MLH3: variants seen among roughly 807,000 people sequenced by gnomAD.
MLH3 encodes mutL homolog 3, also known as DNA mismatch repair protein Mlh3.
In MLH3, 82 loss-of-function variants were observed where a neutral mutation model predicts 122.2. That is an observed-to-expected ratio of 0.67 (90% CI 0.56 to 0.81). The LOEUF is 0.81. MLH3 is among the 30% of genes least tolerant of loss of function. The pLI, the probability that MLH3 is intolerant of heterozygous loss-of-function variation, is 0.00. For missense variants in MLH3, 1,539 were observed against 1,714.5 expected, an observed-to-expected ratio of 0.90 and a Z score of 1.81; for synonymous variants, 524 against 599.5, an observed-to-expected ratio of 0.87 and a Z score of 1.84.
intron 8 of MLH3, among the ~76,000 whole-genome samples, chr14:75,031,127 C>T (rs565658092): frequency 1.3e-5 from 2 of 152,134 alleles, no homozygotes; most frequent in East Asian, 3.9e-4. Flanking sequence ...AGATCTGCCT[C>T]TAATATAAAT....
chr14:75,042,572 T>A, intron 2 of MLH3, 95 bp from the exon 3 acceptor site: 1 of 899,800 alleles, frequency 1.1e-6, no homozygotes, highest in South Asian at 1.4e-5. Flanking sequence ...CTGCACAAAC[T>A]GAGTCAAGAC....
chr14:75,019,728 T>A (rs1890150269), intron 11 of MLH3, among the ~76,000 whole-genome samples: 1 of 152,162 alleles, frequency 6.6e-6, no homozygotes. Flanking sequence ...TTTTTCTAAT[T>A]TCCATAATAA....
rs1178603668 is a variant in MLH3, at chr14:75,046,571, T to C, written c.3085A>G (p.Arg1029Gly). The C allele has an allele frequency of 6.2e-7, 1 of 1,614,112 alleles. No homozygotes were observed. Among genetic ancestry groups the C allele is most frequent in the Non-Finnish European group, 8.5e-7 (1 of 1,180,048 alleles). Residue 1029 changes from arginine to glycine, a missense_variant, in exon 2 of 13, where the codon AGA (arginine) becomes GGA (glycine). Transcript: ENST00000355774. ...GACTCTTCAGTTTCAGAACAAGCTC[T>C]TGCTTTAGATTCCTCACTCTGAAAA... ...ICFQSEESKA[R>G]ACSETEESNT...
chr14:75,047,372 C>A lies in MLH3; in HGVS notation c.2284G>T (p.Gly762Trp), dbSNP rs1394752072. Residue 762 changes from glycine to tryptophan, a missense_variant, in exon 2 of 13, where the codon GGG becomes TGG. Physicochemically the swap from Gly to Trp is radical, Grantham distance 184. Coordinates refer to ENST00000355774, the MANE Select transcript of MLH3 (RefSeq NM_001040108.2). Reference protein sequence around the residue: ...GSLEKFKRQYGKVENPLDTEV... With the variant: ...GSLEKFKRQYWKVENPLDTEV... ...GTATCCAGAGGATTTTCAACCTTCC[C>A]ATATTGCCTCTTAAACTTCTCTAAA... is the stretch of plus-strand genomic sequence containing the variant. 6.2e-7 allele frequency: 1 copy of A among 1,614,112 alleles called. No individual in the cohort carries two copies. Among genetic ancestry groups the A allele is most frequent in the South Asian group, 1.1e-5 (1 of 91,086 alleles).
intron 2 of MLH3, among the ~76,000 whole-genome samples, chr14:75,044,773 C>A (rs150829445): frequency 6.6e-6 from 1 of 152,174 alleles, no homozygotes; most frequent in Admixed American, 6.5e-5. Flanking sequence ...TAGAGATATT[C>A]ATCGTCAGGA....
At position 75,040,449 on chromosome 14, in the gene MLH3, C is replaced by CAAAAAA. The variant is rs36233766; in HGVS notation, c.3466-440_3466-435dup. Among the ~76,000 whole-genome samples, 59 of 35,608 alleles carry CAAAAAA rather than the reference C, an allele frequency of 1.7e-3. 1 individual carries two copies. The highest frequency in any genetic ancestry group is 2.1e-3 in the Non-Finnish European group (41 of 20,000). 23.4% of individuals were successfully genotyped at this position (35,608 alleles called of 152,430 possible). A position where few individuals can be genotyped will look rare whatever the true frequency, so the allele number is the denominator to read the frequency against. ...TGGGCGACACAGCAAGACTCTGTCA[C>CAAAAAA]AAAAAAAAAAAAAAAAAAAAAAAAA... On this transcript the variant is annotated intron_variant, in intron 4 of 12. Coordinates refer to ENST00000355774, the MANE Select transcript of MLH3 (RefSeq NM_001040108.2).
At chr14:75,041,512 C>T (rs2139489149) in intron 4 of MLH3, 103 bp downstream of exon 4, 1 of 862,254 alleles carries the variant, frequency 1.2e-6, no homozygotes, top group Non-Finnish European at 1.9e-6. Context: ...CATGCCATTG[C>T]ATTTCAGTCT....
intron 1 of MLH3, chr14:75,051,028 C>G (rs175082): frequency 1 from 152,192 of 152,432 alleles, 75,976 homozygotes; most frequent in Middle Eastern, 1. Context: ...CAGCAACTGA[C>G]GGGTAAACGT....
At chr14:75,033,398 T>C (rs754709934) in intron 7 of MLH3, 21 bp downstream of exon 7, 2 of 1,612,654 alleles carry the variant, frequency 1.2e-6, no homozygotes, top group Non-Finnish European at 1.7e-6. Context: ...AAATTTTTTC[T>C]GGCTGCAAAC....
rs374180596 is a variant in MLH3, at chr14:75,024,040, GCAAA to G, written c.3988-1026_3988-1023del. Among the ~76,000 whole-genome samples the G allele has an allele frequency of 2.0e-5, 3 of 152,316 alleles. No individual in the cohort carries two copies. In the East Asian group the frequency reaches 5.8e-4, roughly 29 times the overall value. ...TGACAAAGCTTAGTGTGGATGGAGA[GCAAA>G]CATTCTTGTGTTTGTACATCTGGGA... On this transcript the variant is annotated intron_variant, in intron 9 of 12. Transcript: ENST00000355774.
Position 75,049,219 on chromosome 14 carries a change from A to T in MLH3, c.437T>A (p.Val146Glu). The T allele has an allele frequency of 6.2e-7, 1 of 1,614,206 alleles. No homozygotes were observed. The highest frequency in any genetic ancestry group is 8.5e-7 in the Non-Finnish European group (1 of 1,180,022). ...DVTRASAGTT[V>E]TVYNLFYQLP... The stretch of plus-strand genomic sequence containing the variant: ...CTGGTAAAATAGGTTATACACTGTT[A>T]CAGTAGTCCCAGCGCTTGCTCTAGT... The change falls in exon 2 of 13, where the codon GTA becomes GAA. Residue 146 changes from valine (V) to glutamate (E), a missense_variant. Coordinates refer to ENST00000355774, the MANE Select transcript of MLH3 (RefSeq NM_001040108.2).
At chr14:75,022,390 A>C (rs2139323369) in intron 11 of MLH3, among the ~76,000 whole-genome samples, 1 of 152,290 alleles carries the variant, frequency 6.6e-6, no homozygotes, top group Middle Eastern at 3.4e-3. Flanking sequence ...TTTTGCTGTG[A>C]CCTTCTAGGT....
chr14:75,048,899 A>G lies in MLH3; in HGVS notation c.757T>C (p.Phe253Leu). Residue 253 changes from phenylalanine (F) to leucine (L), a missense_variant, in exon 2 of 13, where the codon TTT becomes CTT. Transcript: ENST00000355774. ...CTTAAAACTAGTCTTTTGTTCACAA[A>G]CAAAAACTGCATATTCTTGTTGTAA... The part of the protein sequence containing the change: ...AHYNKNMQFL[F>L]VNKRLVLRTK... 6.2e-7 allele frequency: 1 copy of G among 1,613,780 alleles called. No homozygotes were observed. Among genetic ancestry groups the G allele is most frequent in the Non-Finnish European group, 8.5e-7 (1 of 1,179,876 alleles).
At chr14:75,018,014 G>A (rs1417296473) in intron 12 of MLH3, among the ~76,000 whole-genome samples, 3 of 151,954 alleles carry the variant, frequency 2.0e-5, no homozygotes, top group South Asian at 2.1e-4. Flanking sequence ...GCGTGGTGGC[G>A]CATGCCTGTA....
chr14:75,018,942 T>C lies in MLH3; in HGVS notation c.4129A>G (p.Ser1377Gly), dbSNP rs779248596. The change falls in exon 12 of 13, where the codon AGT (serine) becomes GGT (glycine). Residue 1377 changes from serine (S) to glycine (G), a missense_variant. Coordinates refer to ENST00000355774, the MANE Select transcript of MLH3 (RefSeq NM_001040108.2). ...KFNDGLSLQE[S>G]CRLIEALSSC... ...GACAGAGCTTCAATAAGGCGGCAAC[T>C]TTCCTGTAAGCTCAGGCCATCATTA... 4 of 1,614,086 alleles carry C rather than the reference T, an allele frequency of 2.5e-6. No individual in the cohort carries two copies. In the African/African-American group the frequency reaches 5.3e-5, roughly 22 times the overall value.
intron 2 of MLH3, among the ~76,000 whole-genome samples, 159 bp from the exon 3 acceptor site, chr14:75,042,636 T>G (rs903783594): frequency 6.6e-6 from 1 of 152,182 alleles, no homozygotes; most frequent in Non-Finnish European, 1.5e-5. Context: ...TTAATGAAAT[T>G]ATGCTGTCCA....
At chr14:75,036,347 C>A (rs1241805879) in intron 6 of MLH3, among the ~76,000 whole-genome samples, 1 of 113,110 alleles carries the variant, frequency 8.8e-6, no homozygotes, top group Non-Finnish European at 2.0e-5. Flanking sequence ...TTCTTGACAT[C>A]TTTTTATTTT....
At chr14:75,018,272 CT>C (rs979710393) in intron 12 of MLH3, among the ~76,000 whole-genome samples, 4 of 152,148 alleles carry the variant, frequency 2.6e-5, no homozygotes, top group African/African-American at 9.7e-5. Context: ...CATTCTGTGC[CT>C]TTTCTGCATT....
chr14:75,047,634 A>T lies in MLH3; in HGVS notation c.2022T>A (p.Asn674Lys), dbSNP rs544782025. Residue 674 changes from asparagine (N) to lysine (K), a missense_variant, in exon 2 of 13, where the codon AAT (asparagine) becomes AAA (lysine). Physicochemically the swap from Asn to Lys is moderately conservative, Grantham distance 94. Coordinates refer to ENST00000355774, the MANE Select transcript of MLH3 (RefSeq NM_001040108.2). Reference sequence around the variant, plus strand: ...GCCCATAACTTATATTCGTTCTGCAATTTTTTTTGTTGGGCAATTGACCAG... The same window carrying T: ...GCCCATAACTTATATTCGTTCTGCATTTTTTTTTGTTGGGCAATTGACCAG... ...KESGQLPNKK[N>K]CRTNISYGLE... 2.7e-5 allele frequency: 43 copies of T among 1,613,550 alleles called. No homozygotes were observed. The South Asian group carries it at 4.5e-4, about 17-fold the overall frequency.
Sources: allele counts gnomAD v4.1 joint callset (sites outside exome capture counted in the v4.1 genomes callset), GRCh38; gene constraint gnomAD v4.1.1; transcripts MANE v1.5; gene names NCBI Gene and HGNC (gene_info 2026-07-23, HGNC 2026-07-21).